Variants in BMPER observed in about 807,000 individuals in gnomAD.
The protein encoded by BMPER is BMP binding endothelial regulator.
A neutral mutation model predicts 87.3 loss-of-function variants in BMPER; 45 were observed. That is an observed-to-expected ratio of 0.52 (90% CI 0.41 to 0.66). The LOEUF is 0.66. Among genes scored for constraint, BMPER ranks in the 30% least tolerant of loss-of-function variants. The pLI, the probability that BMPER is intolerant of heterozygous loss-of-function variation, is 0.00. For synonymous variants in BMPER, 326 were observed against 316.2 expected, an observed-to-expected ratio of 1.03 and a Z score of -0.33; for missense variants, 784 against 867.5, an observed-to-expected ratio of 0.90 and a Z score of 1.21.
chr7:33,937,033 G>A (rs1017217627), intron 2 of BMPER, among the ~76,000 whole-genome samples: 2 of 152,164 alleles, frequency 1.3e-5, no homozygotes, highest in African/African-American at 2.4e-5. Context: ...CTTGGCAATC[G>A]GTTATCTAGG....
intron 5 of BMPER, among the ~76,000 whole-genome samples, chr7:33,970,916 G>C (rs556052573): frequency 6.6e-6 from 1 of 152,118 alleles, no homozygotes; most frequent in Non-Finnish European, 1.5e-5. Flanking sequence ...CTGCTTCCTA[G>C]CTGACAGCAA....
rs765156932 is a variant in BMPER at position 34,153,205 on chromosome 7, C to T, written c.1990C>T (p.His664Tyr). ...PCNKPCVAGC[H>Y]CPANLVLHKG... Reference sequence around the variant, plus strand: ...CAACAAGCCGTGCGTTGCTGGGTGCCACTGTCCAGCAAACTTGGTCCTTCA... The same window carrying T: ...CAACAAGCCGTGCGTTGCTGGGTGCTACTGTCCAGCAAACTTGGTCCTTCA... Residue 664 changes from histidine to tyrosine, a missense_variant, in exon 15 of 15, where the codon CAC becomes TAC. Coordinates refer to ENST00000649409, the MANE Select transcript of BMPER (RefSeq NM_001365308.1). 35 of 1,614,076 alleles carry T rather than the reference C, an allele frequency of 2.2e-5. No homozygotes were observed. Among genetic ancestry groups the T allele is most frequent in the South Asian group, 1.6e-4 (15 of 91,078 alleles).
intron 6 of BMPER, among the ~76,000 whole-genome samples, chr7:34,003,179 G>A (rs1442713375): frequency 4.6e-5 from 7 of 151,278 alleles, no homozygotes; most frequent in Non-Finnish European, 7.4e-5. Context: ...ATAAATGTGT[G>A]TACACACACA....
At chr7:34,053,906 G>C (rs754942046) in intron 8 of BMPER, among the ~76,000 whole-genome samples, 14 of 152,104 alleles carry the variant, frequency 9.2e-5, no homozygotes, top group Non-Finnish European at 1.6e-4. Context: ...ATGCAGGATG[G>C]TTTCAGATCT....
intron 14 of BMPER, among the ~76,000 whole-genome samples, chr7:34,147,089 T>C (rs1032460219): frequency 6.6e-6 from 1 of 152,162 alleles, no homozygotes; most frequent in Non-Finnish European, 1.5e-5. Context: ...AACGTGGGTG[T>C]TTTTGTCTTT....
intron 2 of BMPER, among the ~76,000 whole-genome samples, chr7:33,930,041 T>C (rs1455719322): frequency 6.6e-6 from 1 of 152,208 alleles, no homozygotes; most frequent in Non-Finnish European, 1.5e-5. Flanking sequence ...TGAGGTATAT[T>C]GTGCAAAGGG....
intron 14 of BMPER, among the ~76,000 whole-genome samples, chr7:34,152,370 G>A (rs1396619712): frequency 6.6e-6 from 1 of 152,108 alleles, no homozygotes; most frequent in Non-Finnish European, 1.5e-5. Flanking sequence ...CTTCCAGAAT[G>A]TTTGCATTAT....
chr7:34,038,276 GA>G (rs1393720760), intron 6 of BMPER, among the ~76,000 whole-genome samples: 2 of 152,160 alleles, frequency 1.3e-5, no homozygotes, highest in African/African-American at 4.8e-5. Flanking sequence ...GATGAGCAGA[GA>G]GCACAGTCAG....
chr7:34,026,742 G>A (rs112536792), intron 6 of BMPER, among the ~76,000 whole-genome samples: 7 of 152,198 alleles, frequency 4.6e-5, no homozygotes, highest in African/African-American at 1.4e-4. Context: ...AGAGACATAA[G>A]CATCTGTTCT....
At chr7:34,100,565 TAAG>T (rs1471656400) in intron 13 of BMPER, among the ~76,000 whole-genome samples, 5 of 152,208 alleles carry the variant, frequency 3.3e-5, no homozygotes, top group Non-Finnish European at 1.5e-5. Context: ...TCCAGCATAA[TAAG>T]ATCAATTTCA....
chr7:34,152,478 G>A (rs1791202851), intron 14 of BMPER, among the ~76,000 whole-genome samples: 1 of 152,284 alleles, frequency 6.6e-6, no homozygotes, highest in South Asian at 2.1e-4. Flanking sequence ...AATTGGCTGT[G>A]ACGTGGCAAC....
Position 34,079,132 on chromosome 7 carries a change from C to A in BMPER, c.1354C>A (p.Pro452Thr), listed in dbSNP as rs1402319252. 1 of 1,613,958 alleles carries A rather than the reference C, an allele frequency of 6.2e-7. No individual in the cohort carries two copies. The highest frequency in any genetic ancestry group is 2.2e-5 in the East Asian group (1 of 44,866). ...GSRIALPCRAPHFHIDLDGYL... is the reference protein window; with the variant it reads ...GSRIALPCRATHFHIDLDGYL... ...GCGCATCGCGCTCCCCTGCCGCGCG[C>A]CACACTTCCACATCGACCTGGATGG... Residue 452 changes from proline to threonine, a missense_variant, in exon 12 of 15, where the codon CCA becomes ACA. Physicochemically the swap from Pro to Thr is conservative, Grantham distance 38. Coordinates refer to ENST00000649409, the MANE Select transcript of BMPER (RefSeq NM_001365308.1).
rs1401442501 is a variant in BMPER, at chr7:34,153,348, A to G, written c.*75A>G. 1 of 1,507,710 alleles carries G rather than the reference A, an allele frequency of 6.6e-7. No individual in the cohort carries two copies. Among genetic ancestry groups the G allele is most frequent in the Admixed American group, 1.7e-5 (1 of 59,598 alleles). 93.4% of individuals were successfully genotyped at this position (1,507,710 alleles called of 1,614,324 possible). On this transcript the variant is annotated 3_prime_UTR_variant, in exon 15 of 15. Transcript: ENST00000649409. ...AGCGGAAGAGCCAATGAAGGACTGC[A>G]GTATTTGTGTGCCCGATTCTGTAAA... is the stretch of plus-strand genomic sequence containing the variant.
At chr7:34,068,271 A>G (rs1385494634) in intron 11 of BMPER, among the ~76,000 whole-genome samples, 5 of 152,188 alleles carry the variant, frequency 3.3e-5, no homozygotes, top group African/African-American at 1.2e-4. Flanking sequence ...AATTCCAACC[A>G]GGTAGCTGGC....
At chr7:34,054,736 A>C (rs566105551) in intron 8 of BMPER, among the ~76,000 whole-genome samples, 15 of 152,330 alleles carry the variant, frequency 9.8e-5, no homozygotes, top group Non-Finnish European at 2.1e-4. Flanking sequence ...GACCAAAGAT[A>C]TCATGCCTTT....
At chr7:34,007,099 A>G (rs17169621) in intron 6 of BMPER, among the ~76,000 whole-genome samples, 2,502 of 152,214 alleles carry the variant, frequency 0.016, 78 homozygotes, top group African/African-American at 0.058. Flanking sequence ...AACTAATTCA[A>G]TTGATTCCTT....
chr7:34,014,586 C>A (rs1252077303), intron 6 of BMPER, among the ~76,000 whole-genome samples: 1 of 151,834 alleles, frequency 6.6e-6, no homozygotes, highest in Non-Finnish European at 1.5e-5. Flanking sequence ...GATACTGTGC[C>A]TGGCCAGGAC....
chr7:33,947,232 T>C (rs1403415913), intron 3 of BMPER, among the ~76,000 whole-genome samples: 1 of 152,158 alleles, frequency 6.6e-6, no homozygotes, highest in Non-Finnish European at 1.5e-5. Flanking sequence ...CACCCTTTAA[T>C]GTAGGGTTCT....
intron 3 of BMPER, among the ~76,000 whole-genome samples, chr7:33,960,422 T>C (rs1785239589): frequency 6.6e-6 from 1 of 152,142 alleles, no homozygotes; most frequent in Admixed American, 6.5e-5. Flanking sequence ...TGTATTGGGC[T>C]GGGGTAATTT....
Sources: gnomAD v4.1 joint callset for allele counts (sites outside exome capture counted in the v4.1 genomes callset) on GRCh38, gnomAD v4.1.1 for gene constraint, MANE v1.5 for transcripts, NCBI Gene and HGNC (gene_info 2026-07-23, HGNC 2026-07-21) for gene names.